Variants in PRKDC observed in about 807,000 individuals in gnomAD.
PRKDC encodes the protein protein kinase, DNA-activated, catalytic subunit, also known as DNA-dependent protein kinase catalytic subunit.
In PRKDC, 82 loss-of-function variants were observed where a neutral mutation model predicts 486.9. That is an observed-to-expected ratio of 0.17 (90% CI 0.14 to 0.20). PRKDC has a LOEUF of 0.20. Ranked by LOEUF, PRKDC falls within the 10% of genes least tolerant of loss-of-function variation. PRKDC has a pLI of 1.00. For synonymous variants in PRKDC, 1,895 were observed against 1,837.0 expected (o/e 1.03, Z -0.81); for missense variants, 4,504 against 5,038.2 (o/e 0.89, Z 3.21).
Position 47,957,373 on chromosome 8 carries a change from C to A in PRKDC, c.213G>T (p.Lys71Asn). ...RDFGLLVFVRKSLNSIEFREC... is the reference protein window; with the variant it reads ...RDFGLLVFVRNSLNSIEFREC... ...AACTTACTTCAATACTGTTGAGTGA[C>A]TTCCGGACAAATACAAGCAAACCGA... is the stretch of plus-strand genomic sequence containing the variant. Residue 71 changes from lysine to asparagine, a missense_variant, in exon 2 of 86, where the codon AAG (lysine) becomes AAT (asparagine). Physicochemically the swap from Lys to Asn is moderately conservative, Grantham distance 94. Coordinates refer to ENST00000314191, the MANE Select transcript of PRKDC (RefSeq NM_006904.7). The A allele has an allele frequency of 6.3e-7, 1 of 1,598,260 alleles. No individual in the cohort carries two copies.
At position 47,778,729 on chromosome 8, in the gene PRKDC, T is replaced by G. The variant is rs2154497357; in HGVS notation, c.11650A>C (p.Lys3884Gln). 1 of 1,613,758 alleles carries G rather than the reference T, an allele frequency of 6.2e-7. No homozygotes were observed. The highest frequency in any genetic ancestry group is 8.5e-7 in the Non-Finnish European group (1 of 1,179,786). ...RESKVPADLL[K>Q]RAFVRMSTSP... is the part of the protein sequence containing the mutation. ...GGGTGAGGGCAGAAGGGTACTTACT[T>G]TAAGAGATCAGCAGGCACTTTACTT... The change falls in exon 82 of 86, where the codon AAG (lysine) becomes CAG (glutamine). Residue 3884 changes from lysine (K) to glutamine (Q), a missense_variant and splice_region_variant. Lys to Gln is a moderately conservative substitution (Grantham distance 53). Coordinates refer to ENST00000314191, the MANE Select transcript of PRKDC (RefSeq NM_006904.7).
At chr8:47,852,813 A>G in intron 51 of PRKDC, 29 bp from the exon 52 acceptor site, 3 of 1,357,108 alleles carry the variant, frequency 2.2e-6, no homozygotes, top group Non-Finnish European at 3.1e-6. Flanking sequence ...AGACATATGC[A>G]TCAAATAAAC....
At chr8:47,804,757 CTGTTT>C (rs764972729) in intron 69 of PRKDC, among the ~76,000 whole-genome samples, 10 of 152,142 alleles carry the variant, frequency 6.6e-5, no homozygotes, top group African/African-American at 1.2e-4. Context: ...CTCTGTTCAA[CTGTTT>C]TGTTTTGTTT....
chr8:47,931,154 A>T (rs2090244718), intron 16 of PRKDC, among the ~76,000 whole-genome samples: 1 of 152,240 alleles, frequency 6.6e-6, no homozygotes, highest in Non-Finnish European at 1.5e-5. Flanking sequence ...CAGTAGTAAG[A>T]AAGATAAATG....
At chr8:47,877,647 T>C in intron 40 of PRKDC, 77 bp downstream of exon 40, 1 of 1,343,724 alleles carries the variant, frequency 7.4e-7, no homozygotes, top group African/African-American at 1.5e-5. Context: ...TCAGCTTTTT[T>C]TTTGGAACAG....
intron 32 of PRKDC, 58 bp from the exon 33 acceptor site, chr8:47,889,280 A>C (rs2089405470): frequency 5.6e-6 from 8 of 1,438,772 alleles, no homozygotes; most frequent in Non-Finnish European, 7.5e-6. Context: ...TTTTCACCAA[A>C]GTGCAGGGCC....
Position 47,882,871 on chromosome 8 carries a change from T to G in PRKDC, c.4777-774A>C, listed in dbSNP as rs144996892. ...CTTTCATTGCTCTTTTCAATGTGTC[T>G]GTCATTAATTCGTCATCAAACTCTC... On this transcript the variant is annotated intron_variant, in intron 36 of 85. Coordinates refer to ENST00000314191, the MANE Select transcript of PRKDC (RefSeq NM_006904.7). 5.0e-3 allele frequency among the ~76,000 whole-genome samples: 757 copies of G among 152,374 alleles called. 8 individuals carry two copies. The highest frequency in any genetic ancestry group is 0.017 in the African/African-American group (720 of 41,592).
At position 47,883,672 on chromosome 8, in the gene PRKDC, G is replaced by T. The variant is rs181676437; in HGVS notation, c.4777-1575C>A. On this transcript the variant is annotated intron_variant, in intron 36 of 85. Coordinates refer to ENST00000314191, the MANE Select transcript of PRKDC (RefSeq NM_006904.7). Reference sequence around the variant, plus strand: ...ACTCATTTCATTTTTAATTTCTGATGCCTATGCTTAATTCCCAAGAGCCTT... The same window carrying T: ...ACTCATTTCATTTTTAATTTCTGATTCCTATGCTTAATTCCCAAGAGCCTT... Among the ~76,000 whole-genome samples the T allele has an allele frequency of 9.2e-4, 140 of 152,260 alleles. 1 individual carries two copies. Among genetic ancestry groups the T allele is most frequent in the Admixed American group, 9.1e-3 (139 of 15,294 alleles).
chr8:47,955,461 CAAAAAA>C (rs746883720), intron 4 of PRKDC, among the ~76,000 whole-genome samples: 3 of 18,536 alleles, frequency 1.6e-4, no homozygotes, highest in African/African-American at 5.7e-4. Flanking sequence ...GACTCCGTCT[CAAAAAA>C]AAAAAAAAAA....
At chr8:47,890,564 G>A in intron 31 of PRKDC, 84 bp from the exon 32 acceptor site, 3 of 1,057,282 alleles carry the variant, frequency 2.8e-6, no homozygotes, top group Non-Finnish European at 4.0e-6. Flanking sequence ...TGTAAGTATA[G>A]GCATGGTATA....
At chr8:47,821,091 T>A in intron 65 of PRKDC, 148 bp from the exon 66 acceptor site, 2 of 510,966 alleles carry the variant, frequency 3.9e-6, no homozygotes, top group Non-Finnish European at 6.5e-6. Context: ...ACAGTAAACC[T>A]CCAATTTTTA....
rs1032784398 is a variant in PRKDC at position 47,794,385 on chromosome 8, G to A, written c.10575C>T (p.Tyr3525=). ...TGAAGGGATAAACAATAGCCTGCGG[G>A]TAGTTATCAGTGATTTCTTCCACAG... The part of the protein sequence containing the change: ...QHSVEEITDN[Y]PQAIVYPFII... The change falls in exon 74 of 86, where the codon TAC becomes TAT. Residue 3525 remains tyrosine, a synonymous_variant. Transcript: ENST00000314191. The A allele has an allele frequency of 1.9e-6, 3 of 1,613,852 alleles. No individual in the cohort carries two copies. The highest frequency in any genetic ancestry group is 1.3e-5 in the African/African-American group (1 of 75,062).
chr8:47,860,858 A>T (rs999108539), intron 45 of PRKDC, 41 bp downstream of exon 45: 1 of 1,479,466 alleles, frequency 6.8e-7, no homozygotes, highest in Non-Finnish European at 9.3e-7. Flanking sequence ...AAAATAACCC[A>T]TCGATTTGAA....
At chr8:47,862,897 T>C (rs1373280409) in intron 42 of PRKDC, among the ~76,000 whole-genome samples, 1 of 152,214 alleles carries the variant, frequency 6.6e-6, no homozygotes, top group Non-Finnish European at 1.5e-5. Context: ...AGGGTAATAA[T>C]GAATTTGTTT....
intron 30 of PRKDC, 104 bp from the exon 31 acceptor site, chr8:47,893,491 T>G (rs1018616814): frequency 1.6e-5 from 19 of 1,202,202 alleles, no homozygotes; most frequent in Non-Finnish European, 2.0e-5. Flanking sequence ...CTTTTTTCAT[T>G]TTACTACGCA....
chr8:47,805,388 T>C (rs770086207), intron 69 of PRKDC, among the ~76,000 whole-genome samples: 1 of 152,222 alleles, frequency 6.6e-6, no homozygotes, highest in Non-Finnish European at 1.5e-5. Context: ...CTAGGGATAC[T>C]GAGCATCTTT....
chr8:47,895,054 G>A, intron 30 of PRKDC, among the ~76,000 whole-genome samples: 1 of 152,078 alleles, frequency 6.6e-6, no homozygotes, highest in East Asian at 1.9e-4. Context: ...CCTAGCCTGG[G>A]CAACAGAGTG....
chr8:47,888,853 G>A (rs932793705), intron 33 of PRKDC, among the ~76,000 whole-genome samples, 161 bp downstream of exon 33: 5 of 152,234 alleles, frequency 3.3e-5, no homozygotes, highest in Non-Finnish European at 5.9e-5. Context: ...GAAGGCACTA[G>A]TTAAATGTGT....
chr8:47,877,480 A>AG (rs2089114082), intron 40 of PRKDC, among the ~76,000 whole-genome samples: 1 of 152,246 alleles, frequency 6.6e-6, no homozygotes, highest in African/African-American at 2.4e-5. Flanking sequence ...ATAAAAGGCC[A>AG]AGATGAAGCT....
Sources: gnomAD v4.1 joint callset for allele counts (sites outside exome capture counted in the v4.1 genomes callset) on GRCh38, gnomAD v4.1.1 for gene constraint, MANE v1.5 for transcripts, NCBI Gene and HGNC (gene_info 2026-07-23, HGNC 2026-07-21) for gene names.